Variants in GSTA3 observed in about 807,000 individuals in gnomAD.
The protein encoded by GSTA3 is glutathione S-transferase A3.
A neutral mutation model predicts 23.1 loss-of-function variants in GSTA3; 16 were observed. That is an observed-to-expected ratio of 0.69 (90% CI 0.47 to 1.05). GSTA3 has a LOEUF of 1.05. GSTA3 is among the 50% of genes least tolerant of loss of function. The pLI is 0.00. For synonymous variants in GSTA3, 122 were observed against 91.0 expected (o/e 1.34, Z -1.94); for missense variants, 319 against 263.6 (o/e 1.21, Z -1.46).
intron 1 of GSTA3, among the ~76,000 whole-genome samples, chr6:52,909,110 T>A (rs539272442): frequency 6.6e-6 from 1 of 152,188 alleles, no homozygotes; most frequent in Non-Finnish European, 1.5e-5. Flanking sequence ...ATGATGGAAG[T>A]GTAAATTTAG....
chr6:52,901,800 C>G (rs1204137150), intron 4 of GSTA3, among the ~76,000 whole-genome samples: 1 of 152,228 alleles, frequency 6.6e-6, no homozygotes, highest in African/African-American at 2.4e-5. Flanking sequence ...CTAGCTGCTT[C>G]AGCCTTGAAT....
At chr6:52,905,108 G>A (rs1024659799) in intron 2 of GSTA3, among the ~76,000 whole-genome samples, 1 of 152,092 alleles carries the variant, frequency 6.6e-6, no homozygotes, top group African/African-American at 2.4e-5. Context: ...ATGACATTTA[G>A]TTTCCATGTA....
rs758405861 is a variant in GSTA3, at chr6:52,896,840, G to A, written c.635C>T (p.Ala212Val). 2.7e-5 allele frequency: 44 copies of A among 1,613,942 alleles called. No homozygotes were observed. In the South Asian group the frequency reaches 4.4e-4, roughly 16 times the overall value. The change falls in exon 7 of 7, where the codon GCT becomes GTT. Residue 212 changes from alanine to valine, a missense_variant. Coordinates refer to ENST00000211122, the MANE Select transcript of GSTA3 (RefSeq NM_000847.5). ...SPRKPPADAK[A>V]LEEARKIFRF ...GAAAATCTTTCTGGCTTCTTCTAAA[G>A]CTTTTGCATCTGCGGGAGGCTTCCT...
Position 52,903,985 on chromosome 6 carries a change from A to AT in GSTA3, c.88-259dup, listed in dbSNP as rs1180589397. On this transcript the variant is annotated intron_variant, in intron 2 of 6. Transcript: ENST00000211122. Reference sequence around the variant, plus strand: ...ACTGCTCAATCTTCTTTTTTATTTTATTTATTTATTTATTTTTTTGAGACA... The same window carrying AT: ...ACTGCTCAATCTTCTTTTTTATTTTATTTTATTTATTTATTTTTTTGAGACA... Among the ~76,000 whole-genome samples the AT allele has an allele frequency of 3.3e-5, 5 of 151,698 alleles. No individual in the cohort carries two copies. In the East Asian group the frequency reaches 7.7e-4, roughly 23 times the overall value.
intron 1 of GSTA3, among the ~76,000 whole-genome samples, chr6:52,907,052 G>A (rs894611218): frequency 1.5e-4 from 22 of 149,606 alleles, no homozygotes; most frequent in South Asian, 6.3e-4. Flanking sequence ...GAAAATTTTC[G>A]CAACCTACTT....
At chr6:52,906,292 A>G in intron 1 of GSTA3, among the ~76,000 whole-genome samples, 1 of 152,182 alleles carries the variant, frequency 6.6e-6, no homozygotes, top group African/African-American at 2.4e-5. Context: ...CAAAGAAAGT[A>G]TGTGCAATTT....
At chr6:52,898,056 G>T in intron 5 of GSTA3, 100 bp from the exon 6 acceptor site, 1 of 1,346,698 alleles carries the variant, frequency 7.4e-7, no homozygotes, top group African/African-American at 1.4e-5. Flanking sequence ...CACCTGTGTT[G>T]CCTAACTGGA....
chr6:52,905,971 T>C (rs1185772635), intron 1 of GSTA3, 116 bp from the exon 2 acceptor site: 6 of 514,498 alleles, frequency 1.2e-5, no homozygotes, highest in Admixed American at 1.1e-4. Context: ...CATAGCAGGA[T>C]TGTTTCCACC....
chr6:52,903,178 G>A (rs1315763509), intron 3 of GSTA3, among the ~76,000 whole-genome samples: 1 of 152,048 alleles, frequency 6.6e-6, no homozygotes, highest in Admixed American at 6.5e-5. Flanking sequence ...CTTTTAGCCT[G>A]GAGATAGTTG....
At chr6:52,900,644 A>G (rs1765650531) in intron 4 of GSTA3, among the ~76,000 whole-genome samples, 3 of 152,218 alleles carry the variant, frequency 2.0e-5, no homozygotes, top group Non-Finnish European at 4.4e-5. Context: ...ACAGGTACAA[A>G]GAGCATCGGT....
intron 5 of GSTA3, 30 bp from the exon 6 acceptor site, chr6:52,897,986 T>C (rs750851664): frequency 1.2e-6 from 2 of 1,613,362 alleles, no homozygotes; most frequent in East Asian, 2.2e-5. Context: ...AGATCAGGAA[T>C]ACATGCGCAC....
intron 1 of GSTA3, among the ~76,000 whole-genome samples, chr6:52,906,173 AT>A (rs1765883960): frequency 2.0e-5 from 3 of 152,192 alleles, no homozygotes; most frequent in Non-Finnish European, 4.4e-5. Context: ...TATAAAAACT[AT>A]ATGTTCTATT....
chr6:52,907,286 CCAGTTAGAAT>C (rs888309868), intron 1 of GSTA3, among the ~76,000 whole-genome samples: 24 of 117,486 alleles, frequency 2.0e-4, no homozygotes, highest in Non-Finnish European at 2.0e-4. Context: ...CCATCTCACA[CCAGTTAGAAT>C]GGCAATCATT....
At chr6:52,902,072 C>T (rs1765704970) in intron 4 of GSTA3, among the ~76,000 whole-genome samples, 1 of 152,200 alleles carries the variant, frequency 6.6e-6, no homozygotes, top group Admixed American at 6.5e-5. Context: ...ATTCCCCATC[C>T]TCCTGAGTTC....
intron 6 of GSTA3, 26 bp downstream of exon 6, chr6:52,897,799 T>A: frequency 6.2e-7 from 1 of 1,612,578 alleles, no homozygotes; most frequent in South Asian, 1.1e-5. Flanking sequence ...TGGGGCTGTC[T>A]CTCTGAGGGC....
intron 1 of GSTA3, among the ~76,000 whole-genome samples, chr6:52,908,595 T>C (rs911574271): frequency 2.0e-5 from 3 of 152,216 alleles, no homozygotes; most frequent in African/African-American, 7.2e-5. Flanking sequence ...CCCACCAATC[T>C]GCTGTTTAAA....
chr6:52,901,098 T>C (rs1357722133), intron 4 of GSTA3, among the ~76,000 whole-genome samples: 1 of 152,232 alleles, frequency 6.6e-6, no homozygotes, highest in African/African-American at 2.4e-5. Flanking sequence ...TTTTCCACAG[T>C]ACTTTTTAAA....
chr6:52,897,422 G>A (rs538334757), intron 6 of GSTA3, among the ~76,000 whole-genome samples: 1 of 152,332 alleles, frequency 6.6e-6, no homozygotes, highest in East Asian at 1.9e-4. Flanking sequence ...AGCTCCTGCT[G>A]CCCACCCTGG....
chr6:52,898,516 T>A (rs1765544093), intron 5 of GSTA3, among the ~76,000 whole-genome samples: 1 of 152,182 alleles, frequency 6.6e-6, no homozygotes, highest in South Asian at 2.1e-4. Flanking sequence ...TAGAGAATTC[T>A]ATATTGGGGT....
Sources: gnomAD v4.1 joint callset for allele counts (sites outside exome capture counted in the v4.1 genomes callset) on GRCh38, gnomAD v4.1.1 for gene constraint, MANE v1.5 for transcripts, NCBI Gene and HGNC (gene_info 2026-07-23, HGNC 2026-07-21) for gene names.